CORIN: variants seen among roughly 807,000 people sequenced by gnomAD.
CORIN encodes corin, serine peptidase, also known as atrial natriuretic peptide-converting enzyme.
CORIN carries 117 observed loss-of-function variants against 125.3 expected under a neutral mutation model. The observed-to-expected ratio is 0.93, with a 90% CI of 0.80 to 1.09. The LOEUF is 1.09. Ranked by LOEUF, CORIN falls within the 50% of genes least tolerant of loss-of-function variation. The probability of loss-of-function intolerance (pLI) is 0.00; values close to 1 mark genes in which losing one functional copy is unlikely to be tolerated. For missense variants in CORIN, 1,253 were observed against 1,306.7 expected (o/e 0.96, Z 0.63); for synonymous variants, 450 against 466.4 (o/e 0.96, Z 0.45).
At chr4:47,727,404 G>A (rs994369763) in intron 5 of CORIN, among the ~76,000 whole-genome samples, 5 of 151,914 alleles carry the variant, frequency 3.3e-5, no homozygotes, top group Non-Finnish European at 7.4e-5. Context: ...ATCAAGATAT[G>A]GAATTCTAAT....
intron 19 of CORIN, among the ~76,000 whole-genome samples, chr4:47,613,654 T>C (rs573348933): frequency 2.0e-4 from 31 of 151,450 alleles, no homozygotes; most frequent in African/African-American, 7.0e-4. Flanking sequence ...TCATGTCCTT[T>C]GTAGGGACAT....
Position 47,719,274 on chromosome 4 carries a change from A to G in CORIN, c.799+25128T>C, listed in dbSNP as rs112394652. Among the ~76,000 whole-genome samples the G allele has an allele frequency of 4.6e-5, 7 of 152,244 alleles. 1 individual carries two copies. Among genetic ancestry groups the G allele is most frequent in the Admixed American group, 2.6e-4 (4 of 15,286 alleles). ...TTTTGCTCTTCCCAGTGAACCACCA[A>G]ATTCTCCATATGTGAGTCCTTGAGA... is the stretch of plus-strand genomic sequence containing the variant. On this transcript the variant is annotated intron_variant, in intron 5 of 21. Coordinates refer to ENST00000273857, the MANE Select transcript of CORIN (RefSeq NM_006587.4).
intron 3 of CORIN, among the ~76,000 whole-genome samples, chr4:47,765,595 C>G (rs1471917169): frequency 6.6e-6 from 1 of 152,118 alleles, no homozygotes; most frequent in Admixed American, 6.6e-5. Context: ...GTCAAATTCC[C>G]CCATCATCGA....
intron 5 of CORIN, among the ~76,000 whole-genome samples, chr4:47,730,484 A>C (rs1374523048): frequency 6.6e-6 from 1 of 150,570 alleles, no homozygotes; most frequent in Non-Finnish European, 1.5e-5. Flanking sequence ...AAAAAAAAAA[A>C]AAAAAAAAAA....
In CORIN at chr4:47,642,045, G is replaced by T. The variant is rs1241295069; in HGVS notation, c.2073C>A (p.Thr691=). 6.2e-7 allele frequency: 1 copy of T among 1,612,152 alleles called. No individual in the cohort carries two copies. The highest frequency in any genetic ancestry group is 1.1e-5 in the South Asian group (1 of 90,868). The change falls in exon 16 of 22, where the codon ACC becomes ACA. Residue 691 remains threonine, a synonymous_variant. Transcript: ENST00000273857. ...AAGAGGAGTTCACATTTATAGAGAG[G>T]GTCACTAGGGAAAGAAAAGACAAGG... The part of the protein sequence containing the change: ...SDSSDEWDCV[T]LSINVNSSSF...
chr4:47,755,795 C>T (rs965570288), intron 4 of CORIN, among the ~76,000 whole-genome samples: 3 of 152,194 alleles, frequency 2.0e-5, no homozygotes, highest in East Asian at 1.9e-4. Context: ...CCTTAATATA[C>T]ACACAAAATT....
intron 19 of CORIN, among the ~76,000 whole-genome samples, chr4:47,611,853 A>G (rs1201909389): frequency 2.6e-5 from 4 of 152,182 alleles, no homozygotes; most frequent in Admixed American, 6.5e-5. Flanking sequence ...TGAGATAATC[A>G]TGTGGTTTTC....
chr4:47,662,670 T>C (rs1220046694), intron 11 of CORIN, among the ~76,000 whole-genome samples: 1 of 152,146 alleles, frequency 6.6e-6, no homozygotes, highest in African/African-American at 2.4e-5. Flanking sequence ...CAATATACTC[T>C]TAATGGACTC....
intron 2 of CORIN, among the ~76,000 whole-genome samples, chr4:47,800,750 G>A (rs1269293978): frequency 6.6e-6 from 1 of 152,104 alleles, no homozygotes; most frequent in Non-Finnish European, 1.5e-5. Context: ...AGTCTTCCTG[G>A]GCTGGGGCAC....
chr4:47,767,394 A>G (rs971440222), intron 3 of CORIN, among the ~76,000 whole-genome samples: 2 of 152,194 alleles, frequency 1.3e-5, no homozygotes, highest in Non-Finnish European at 2.9e-5. Context: ...ATCTATCTCT[A>G]AAGAAATTAC....
intron 2 of CORIN, among the ~76,000 whole-genome samples, chr4:47,790,026 A>AAAT (rs1237642885): frequency 2.0e-5 from 3 of 152,174 alleles, no homozygotes; most frequent in African/African-American, 7.2e-5. Context: ...CGTCTCAAAA[A>AAAT]AATAATAATA....
At chr4:47,717,575 T>G (rs1727152131) in intron 5 of CORIN, among the ~76,000 whole-genome samples, 1 of 152,192 alleles carries the variant, frequency 6.6e-6, no homozygotes, top group Non-Finnish European at 1.5e-5. Context: ...CCTCAACTTA[T>G]TAGGTTAAAT....
chr4:47,747,886 G>A (rs1284748471), intron 4 of CORIN, among the ~76,000 whole-genome samples: 1 of 152,150 alleles, frequency 6.6e-6, no homozygotes, highest in East Asian at 1.9e-4. Context: ...CATTCTTTAA[G>A]GCAATGTTTC....
intron 10 of CORIN, among the ~76,000 whole-genome samples, chr4:47,667,600 T>A (rs1169978479): frequency 2.0e-5 from 3 of 152,216 alleles, no homozygotes; most frequent in African/African-American, 7.2e-5. Flanking sequence ...GGACTACTTC[T>A]TAATTGAAAG....
intron 13 of CORIN, among the ~76,000 whole-genome samples, chr4:47,649,407 A>G (rs1723637942): frequency 6.6e-6 from 1 of 152,234 alleles, no homozygotes. Flanking sequence ...CAGCTGTCAG[A>G]AACAAGACTA....
chr4:47,646,662 A>G (rs951431786), intron 13 of CORIN, among the ~76,000 whole-genome samples: 3 of 152,226 alleles, frequency 2.0e-5, no homozygotes, highest in African/African-American at 7.2e-5. Context: ...CCTTGGCTAG[A>G]ACAATGGCTA....
chr4:47,802,958 C>G (rs755842504), intron 2 of CORIN, among the ~76,000 whole-genome samples: 3 of 152,096 alleles, frequency 2.0e-5, no homozygotes, highest in African/African-American at 7.2e-5. Flanking sequence ...GGAAAAAGAA[C>G]GAGAGTCTCG....
chr4:47,809,396 C>CT (rs374248975), intron 1 of CORIN, among the ~76,000 whole-genome samples: 1,894 of 107,254 alleles, frequency 0.018, 269 homozygotes, highest in African/African-American at 0.061. Context: ...GAATTGATTG[C>CT]TTTTTTTTTT....
chr4:47,649,197 T>C (rs1723623063), intron 13 of CORIN, among the ~76,000 whole-genome samples: 1 of 152,162 alleles, frequency 6.6e-6, no homozygotes, highest in African/African-American at 2.4e-5. Flanking sequence ...CAGTCTCCCG[T>C]GAAAGAGGCA....
Sources: gnomAD v4.1 joint callset for allele counts (sites outside exome capture counted in the v4.1 genomes callset) on GRCh38, gnomAD v4.1.1 for gene constraint, MANE v1.5 for transcripts, NCBI Gene and HGNC (gene_info 2026-07-23, HGNC 2026-07-21) for gene names.